SERPINA12: variants seen among roughly 807,000 people sequenced by gnomAD.
The protein encoded by SERPINA12 is serpin A12.
Under a neutral mutation model 25.9 loss-of-function variants are expected in SERPINA12, and 21 were observed. The observed-to-expected ratio is 0.81, with a 90% CI of 0.58 to 1.17. The LOEUF (loss-of-function observed/expected upper bound fraction) is 1.17. Ranked by LOEUF, SERPINA12 falls within the 50% of genes most tolerant of loss-of-function variation. SERPINA12 has a pLI of 0.00. For synonymous variants in SERPINA12, 220 were observed against 196.0 expected, an observed-to-expected ratio of 1.12 and a Z score of -1.02; for missense variants, 562 against 508.3, an observed-to-expected ratio of 1.11 and a Z score of -1.02.
chr14:94,510,576 C>T (rs752742261), upstream of SERPINA12, among the ~76,000 whole-genome samples: 5 of 152,180 alleles, frequency 3.3e-5, no homozygotes, highest in Non-Finnish European at 7.3e-5. Context: ...AAAAGGAGAG[C>T]TACCATTTCA....
chr14:94,513,513 A>T (rs977696122), upstream of SERPINA12, among the ~76,000 whole-genome samples: 8 of 152,164 alleles, frequency 5.3e-5, no homozygotes, highest in African/African-American at 1.9e-4. Flanking sequence ...TCCTCAAGTT[A>T]CTTCATCTTT....
intron 4 of SERPINA12, among the ~76,000 whole-genome samples, chr14:94,488,292 G>A (rs1899987480): frequency 6.6e-6 from 1 of 151,942 alleles, no homozygotes; most frequent in Non-Finnish European, 1.5e-5. Context: ...TCAGAGCAGC[G>A]GGCTCAGCTT....
At position 94,496,429 on chromosome 14, in the gene SERPINA12, C is replaced by A. The variant is rs1900422915; in HGVS notation, c.849G>T (p.Leu283Phe). ...ILPDEGKLKH[L>F]EKGLQVDTFS... The stretch of plus-strand genomic sequence containing the variant: ...AAGTGTCCACCTGCAATCCCTTCTC[C>A]AAGTGCTTCAGCTTGCCCTCATCAG... The change falls in exon 3 of 5, where the codon TTG becomes TTT. Residue 283 changes from leucine to phenylalanine, a missense_variant. Leu to Phe is a conservative substitution (Grantham distance 22). Transcript: ENST00000677451. The A allele has an allele frequency of 6.2e-7, 1 of 1,614,066 alleles. No individual in the cohort carries two copies. The highest frequency in any genetic ancestry group is 1.3e-5 in the African/African-American group (1 of 74,918).
At chr14:94,498,539 A>ACTCATAAACTGCTAT in intron 1 of SERPINA12, 109 bp from the exon 2 acceptor site, 2 of 868,410 alleles carry the variant, frequency 2.3e-6, no homozygotes, top group Non-Finnish European at 3.5e-6. Flanking sequence ...TGTACATAGC[A>ACTCATAAACTGCTAT]GTTTATGAGT....
chr14:94,493,542 C>A (rs981181627), intron 3 of SERPINA12, among the ~76,000 whole-genome samples: 1 of 152,212 alleles, frequency 6.6e-6, no homozygotes, highest in Non-Finnish European at 1.5e-5. Flanking sequence ...GGAAGAGATG[C>A]TGAGAGCAGC....
intron 2 of SERPINA12, 142 bp downstream of exon 2, chr14:94,497,622 T>G: frequency 1.4e-6 from 1 of 723,040 alleles, no homozygotes; most frequent in East Asian, 2.7e-5. Context: ...GTAACCATTT[T>G]ACAGATAGGA....
intron 1 of SERPINA12, chr14:94,500,757 G>A (rs1222494656): frequency 2.6e-5 from 16 of 606,098 alleles, no homozygotes; most frequent in Non-Finnish European, 3.1e-5. Flanking sequence ...AAGAGAAACC[G>A]GGGCTGGGTC....
chr14:94,501,678 C>A, intron 1 of SERPINA12, among the ~76,000 whole-genome samples: 1 of 141,506 alleles, frequency 7.1e-6, no homozygotes, highest in South Asian at 2.5e-4. Context: ...CCCCCCACCC[C>A]CGCCCCAAGG....
At chr14:94,503,445 C>A in intron 1 of SERPINA12, 1 of 363,528 alleles carries the variant, frequency 2.8e-6, no homozygotes, top group Non-Finnish European at 3.8e-6. Flanking sequence ...CATATTGATG[C>A]TGCAGACTGA....
Position 94,487,504 on chromosome 14 carries a change from C to G in SERPINA12, c.1054-10G>C. On this transcript the variant is annotated splice_polypyrimidine_tract_variant and intron_variant, in intron 4 of 4. Transcript: ENST00000677451. ...CAGCCTTGTGCACAGCCTACGGAAG[C>G]CAAGGGCAAAGTCAAGGTCTGCCAA... 1 of 1,594,202 alleles carries G rather than the reference C, an allele frequency of 6.3e-7. No homozygotes were observed. The highest frequency in any genetic ancestry group is 1.1e-5 in the South Asian group (1 of 88,006).
At chr14:94,514,647 C>T (rs1595702914) in intron 2 of SERPINA12, among the ~76,000 whole-genome samples, 1 of 152,292 alleles carries the variant, frequency 6.6e-6, no homozygotes, top group Non-Finnish European at 1.5e-5. Context: ...GCCGGATGCT[C>T]TCTGAGCCAG....
At chr14:94,515,592 A>G (rs1304418313) in intron 2 of SERPINA12, among the ~76,000 whole-genome samples, 1 of 152,208 alleles carries the variant, frequency 6.6e-6, no homozygotes, top group Non-Finnish European at 1.5e-5. Context: ...GGAGCTGGGG[A>G]CGGCAGGGAC....
At chr14:94,498,461 AC>A in intron 1 of SERPINA12, 31 bp from the exon 2 acceptor site, 1 of 1,525,038 alleles carries the variant, frequency 6.6e-7, no homozygotes, top group Non-Finnish European at 8.9e-7. Flanking sequence ...GAACATGATA[AC>A]CCCATTGCCT....
At chr14:94,500,828 C>CGTAA in intron 1 of SERPINA12, 1 of 985,000 alleles carries the variant, frequency 1.0e-6, no homozygotes. Context: ...CGTTGAGTTA[C>CGTAA]ATGGTCACTT....
At chr14:94,505,493 C>T (rs376654227) in intron 1 of SERPINA12, among the ~76,000 whole-genome samples, 4 of 152,194 alleles carry the variant, frequency 2.6e-5, no homozygotes, top group South Asian at 2.1e-4. Context: ...TCACACTGGC[C>T]GGCTCTGGTC....
At chr14:94,517,459 T>C (rs1901264137) in exon 1 of SERPINA12, 1 of 152,220 alleles carries the variant, frequency 6.6e-6, no homozygotes, top group African/African-American at 2.4e-5. Flanking sequence ...GTGTCTTCCC[T>C]GTAGGGCCGA....
upstream of SERPINA12, chr14:94,510,364 C>T (rs575758853): frequency 1.7e-6 from 1 of 597,686 alleles, no homozygotes; most frequent in Non-Finnish European, 2.1e-6. Context: ...ACATTACTAA[C>T]CATCAGGGAA....
intron 3 of SERPINA12, among the ~76,000 whole-genome samples, chr14:94,495,064 C>CTTT (rs71129685): frequency 0.086 from 8,363 of 97,432 alleles, 432 homozygotes; most frequent in Admixed American, 0.11. Flanking sequence ...ATTTCCCTTT[C>CTTT]TTTTTTTTTT....
chr14:94,515,360 G>A (rs752375517), intron 2 of SERPINA12, among the ~76,000 whole-genome samples: 4 of 152,138 alleles, frequency 2.6e-5, no homozygotes, highest in South Asian at 4.2e-4. Context: ...GGAGGAACCC[G>A]GAGTTTCTAC....
Sources: gnomAD v4.1 joint callset for allele counts (sites outside exome capture counted in the v4.1 genomes callset) on GRCh38, gnomAD v4.1.1 for gene constraint, MANE v1.5 for transcripts, NCBI Gene and HGNC (gene_info 2026-07-23, HGNC 2026-07-21) for gene names.